The following TRPM1 variants were observed in gnomAD, a reference collection of about 807,000 sequenced individuals.
TRPM1 encodes the protein TRPM1-203 APA Isoform, Intron 10.
A neutral mutation model predicts 149.4 loss-of-function variants in TRPM1; 113 were observed. The observed-to-expected ratio is 0.76, with a 90% CI of 0.65 to 0.88. The LOEUF (loss-of-function observed/expected upper bound fraction) is 0.88. Among genes scored for constraint, TRPM1 ranks in the 40% least tolerant of loss-of-function variants. The probability of loss-of-function intolerance (pLI) is 0.00; values close to 1 mark genes in which losing one functional copy is unlikely to be tolerated. For synonymous variants in TRPM1, 741 were observed against 759.5 expected (o/e 0.98, Z 0.40); for missense variants, 1,976 against 2,038.7 (o/e 0.97, Z 0.59).
At chr15:31,048,140 G>A (rs2033834026) in intron 13 of TRPM1, among the ~76,000 whole-genome samples, 1 of 152,130 alleles carries the variant, frequency 6.6e-6, no homozygotes, top group South Asian at 2.1e-4. Flanking sequence ...GTGGGCACCT[G>A]TAATCCTAGC....
At chr15:31,139,325 A>G (rs772324700) in intron 1 of TRPM1, among the ~76,000 whole-genome samples, 2 of 152,212 alleles carry the variant, frequency 1.3e-5, no homozygotes, top group Non-Finnish European at 2.9e-5. Context: ...TGGATGTACA[A>G]ATTTGGTGTT....
chr15:31,073,883 C>T (rs1406612800), intron 3 of TRPM1, among the ~76,000 whole-genome samples: 1 of 151,998 alleles, frequency 6.6e-6, no homozygotes, highest in Non-Finnish European at 1.5e-5. Flanking sequence ...CCCTTCTATT[C>T]CTGGTTTTCC....
At chr15:31,091,399 C>T (rs1156845051) in intron 1 of TRPM1, among the ~76,000 whole-genome samples, 5 of 152,230 alleles carry the variant, frequency 3.3e-5, no homozygotes, top group South Asian at 2.1e-4. Context: ...TGCTGGGGAC[C>T]AGCGTGCACA....
At chr15:31,052,499 G>T (rs911832271) in intron 11 of TRPM1, among the ~76,000 whole-genome samples, 1 of 152,186 alleles carries the variant, frequency 6.6e-6, no homozygotes, top group African/African-American at 2.4e-5. Flanking sequence ...ATGCTGCTGG[G>T]CACGGTAGTT....
At chr15:31,035,517 G>T (rs775102553) in intron 21 of TRPM1, 29 bp downstream of exon 21, 3 of 1,613,782 alleles carry the variant, frequency 1.9e-6, no homozygotes, top group Non-Finnish European at 2.5e-6. Context: ...AGCGGTTAGT[G>T]GGCTGGGGGA....
At position 31,063,253 on chromosome 15, in the gene TRPM1, T is replaced by C. The variant is rs759614461; in HGVS notation, c.830A>G (p.Glu277Gly). The change falls in exon 8 of 28, where the codon GAG (glutamate) becomes GGG (glycine). Residue 277 changes from glutamate to glycine, a missense_variant. Transcript: ENST00000256552. ...GATGGACACCACGTTAGGGCCCCCC[T>C]CCACCACGAGACCCACGAGGGGCAC... ...QGVPLVGLVV[E>G]GGPNVVSIVL... The C allele has an allele frequency of 2.5e-6, 4 of 1,613,950 alleles. No individual in the cohort carries two copies. The African/African-American group carries it at 5.3e-5, about 22-fold the overall frequency.
intron 1 of TRPM1, among the ~76,000 whole-genome samples, chr15:31,160,179 C>T (rs1239120782): frequency 6.6e-6 from 1 of 152,164 alleles, no homozygotes; most frequent in Non-Finnish European, 1.5e-5. Context: ...AGGTGGTGGC[C>T]TGCCCAGTCT....
At chr15:31,096,972 C>G (rs2035399797) in intron 1 of TRPM1, among the ~76,000 whole-genome samples, 1 of 152,186 alleles carries the variant, frequency 6.6e-6, no homozygotes, top group Non-Finnish European at 1.5e-5. Context: ...AGGCATTCAC[C>G]ACAGCTCAGC....
At chr15:31,125,633 G>A (rs2035938500) in intron 1 of TRPM1, among the ~76,000 whole-genome samples, 1 of 145,114 alleles carries the variant, frequency 6.9e-6, no homozygotes, top group Admixed American at 6.9e-5. Flanking sequence ...GGGAGGCTGA[G>A]GCAGGAGAAT....
chr15:31,082,363 G>C (rs2140985462), intron 1 of TRPM1, among the ~76,000 whole-genome samples: 1 of 152,232 alleles, frequency 6.6e-6, no homozygotes, highest in Admixed American at 6.5e-5. Flanking sequence ...CTGAGTGAAG[G>C]GACAGTGGAG....
Position 31,155,108 on chromosome 15 carries a change from C to G in TRPM1, c.54+5798G>C, listed in dbSNP as rs576076049. ...TGGTTACAAATTTCCATGTGGAATT[C>G]TGCATCCAAGCAGATTCCAAACACA... is the stretch of plus-strand genomic sequence containing the variant. On this transcript the variant is annotated intron_variant, in intron 1 of 26. Transcript: ENST00000542188. Among the ~76,000 whole-genome samples the G allele has an allele frequency of 7.2e-5, 11 of 152,320 alleles. 1 individual carries two copies. Among genetic ancestry groups the G allele is most frequent in the African/African-American group, 2.6e-4 (11 of 41,574 alleles).
chr15:31,065,737 T>C (rs2034356669), intron 7 of TRPM1, among the ~76,000 whole-genome samples: 1 of 152,202 alleles, frequency 6.6e-6, no homozygotes, highest in Non-Finnish European at 1.5e-5. Flanking sequence ...ACTAAATCTT[T>C]GAGAAATTGT....
intron 11 of TRPM1, among the ~76,000 whole-genome samples, chr15:31,050,808 TGTCTGAAGAAG>T (rs2033929660): frequency 6.6e-6 from 1 of 152,198 alleles, no homozygotes. Flanking sequence ...CAGGCCTGGC[TGTCTGAAGAAG>T]GCTCTGATAC....
At chr15:31,069,608 G>T in intron 4 of TRPM1, 8 of 1,290,386 alleles carry the variant, frequency 6.2e-6, no homozygotes, top group Non-Finnish European at 7.8e-6. Context: ...TCCTTCTCGG[G>T]CCAGCTGAGC....
At chr15:31,049,557 C>G in intron 12 of TRPM1, 48 bp from the exon 13 acceptor site, 1 of 1,611,174 alleles carries the variant, frequency 6.2e-7, no homozygotes, top group South Asian at 1.1e-5. Context: ...CTCAGAGACA[C>G]AGGGGAGGGG....
Position 31,064,194 on chromosome 15 carries a change from G to T in TRPM1, c.791-902C>A, listed in dbSNP as rs114468394. On this transcript the variant is annotated intron_variant, in intron 7 of 27. Transcript: ENST00000256552. ...ATGTGTTTGGCTAGCAAATAATTTT[G>T]TAAACGTTAAGTAGCATACAAATGA... 9.3e-3 allele frequency among the ~76,000 whole-genome samples: 1,422 copies of T among 152,320 alleles called. 19 individuals carry two copies. The highest frequency in any genetic ancestry group is 0.029 in the African/African-American group (1,223 of 41,574).
intron 1 of TRPM1, among the ~76,000 whole-genome samples, chr15:31,113,206 C>T (rs1208937935): frequency 6.6e-6 from 1 of 152,152 alleles, no homozygotes; most frequent in African/African-American, 2.4e-5. Context: ...TGAATGGTAA[C>T]TCACAGGAGT....
At chr15:31,115,378 C>T (rs2035785393) in intron 1 of TRPM1, among the ~76,000 whole-genome samples, 1 of 152,132 alleles carries the variant, frequency 6.6e-6, no homozygotes, top group South Asian at 2.1e-4. Context: ...ATTCTCACAG[C>T]ACGAAAAAGC....
At chr15:31,059,208 A>C (rs1240911880) in intron 11 of TRPM1, among the ~76,000 whole-genome samples, 1 of 152,198 alleles carries the variant, frequency 6.6e-6, no homozygotes, top group Non-Finnish European at 1.5e-5. Context: ...CCGTCTACAC[A>C]TGATCAATCA....
Sources: allele counts gnomAD v4.1 joint callset (sites outside exome capture counted in the v4.1 genomes callset), GRCh38; gene constraint gnomAD v4.1.1; transcripts MANE v1.5; gene names NCBI Gene and HGNC (gene_info 2026-07-23, HGNC 2026-07-21).